Variants in ARHGAP28 observed in about 807,000 individuals in gnomAD.
ARHGAP28 encodes the protein rho GTPase-activating protein 28.
In ARHGAP28, 56 loss-of-function variants were observed where a neutral mutation model predicts 90.7. The ratio of observed to expected loss-of-function variants is 0.62; its 90% confidence interval spans 0.50 to 0.77. ARHGAP28 has a LOEUF of 0.77. Ranked by LOEUF, ARHGAP28 falls within the 30% of genes least tolerant of loss-of-function variation. ARHGAP28 has a pLI of 0.00. For missense variants in ARHGAP28, 869 were observed against 900.9 expected, an observed-to-expected ratio of 0.96 and a Z score of 0.45; for synonymous variants, 308 against 323.3, an observed-to-expected ratio of 0.95 and a Z score of 0.51.
At chr18:6,746,287 C>T (rs1344004652) in intron 1 of ARHGAP28, among the ~76,000 whole-genome samples, 1 of 152,148 alleles carries the variant, frequency 6.6e-6, no homozygotes, top group African/African-American at 2.4e-5. Context: ...GGGGTTGGCA[C>T]AGTTTTTCTG....
chr18:6,729,767 C>T lies in ARHGAP28; in HGVS notation c.-55C>T. The T allele has an allele frequency of 7.6e-7, 1 of 1,318,982 alleles. No individual in the cohort carries two copies. Among genetic ancestry groups the T allele is most frequent in the Non-Finnish European group, 9.6e-7 (1 of 1,036,698 alleles). 81.7% of individuals were successfully genotyped at this position (1,318,982 alleles called of 1,614,324 possible). A position where few individuals can be genotyped will look rare whatever the true frequency, so the allele number is the denominator to read the frequency against. On this transcript the variant is annotated 5_prime_UTR_variant, in exon 1 of 18. Transcript: ENST00000383472. The stretch of plus-strand genomic sequence containing the variant: ...CTGACAGCCTCCCGGCGCGCCGGTC[C>T]ATGCTGGTCCCGGTCTTTGTTCTGG...
intron 3 of ARHGAP28, among the ~76,000 whole-genome samples, chr18:6,839,093 A>C (rs2056776670): frequency 6.6e-6 from 1 of 151,224 alleles, no homozygotes; most frequent in Admixed American, 6.6e-5. Context: ...CTGCAGCAGT[A>C]CCAAGGGATG....
At chr18:6,856,882 T>C (rs999319025) in intron 4 of ARHGAP28, among the ~76,000 whole-genome samples, 3 of 152,230 alleles carry the variant, frequency 2.0e-5, no homozygotes, top group African/African-American at 7.2e-5. Context: ...TATGTCTGGC[T>C]TCTTTAATTT....
chr18:6,765,435 C>T (rs1001770595), intron 1 of ARHGAP28, among the ~76,000 whole-genome samples: 3 of 151,974 alleles, frequency 2.0e-5, no homozygotes, highest in Non-Finnish European at 4.4e-5. Flanking sequence ...TCAAAATATT[C>T]CCTTATTTTC....
chr18:6,864,153 C>A (rs2143438788), intron 5 of ARHGAP28, among the ~76,000 whole-genome samples: 1 of 152,222 alleles, frequency 6.6e-6, no homozygotes, highest in Non-Finnish European at 1.5e-5. Context: ...GAAACCTCTG[C>A]CTCCCGGATT....
intron 1 of ARHGAP28, among the ~76,000 whole-genome samples, chr18:6,748,877 T>G (rs951931556): frequency 1.3e-5 from 2 of 152,236 alleles, no homozygotes. Flanking sequence ...GTGTTTCTAG[T>G]GCCTTCCTTG....
chr18:6,870,925 C>T (rs575352639), intron 7 of ARHGAP28, among the ~76,000 whole-genome samples, 193 bp downstream of exon 7: 4 of 152,106 alleles, frequency 2.6e-5, no homozygotes, highest in African/African-American at 4.8e-5. Flanking sequence ...CTCAGCCTCC[C>T]GAGTAGCTGG....
chr18:6,885,373 C>T (rs1392311618), intron 11 of ARHGAP28, among the ~76,000 whole-genome samples: 2 of 152,038 alleles, frequency 1.3e-5, no homozygotes, highest in Non-Finnish European at 1.5e-5. Flanking sequence ...TGTGAACAAG[C>T]GCGTGTGTGT....
chr18:6,841,231 C>T (rs1442809532), intron 3 of ARHGAP28, among the ~76,000 whole-genome samples: 1 of 124,350 alleles, frequency 8.0e-6, no homozygotes, highest in East Asian at 2.3e-4. Flanking sequence ...CTCCCCCCAA[C>T]CCGCCCCCAC....
chr18:6,870,292 A>G (rs1318143148), intron 6 of ARHGAP28, among the ~76,000 whole-genome samples: 4 of 152,172 alleles, frequency 2.6e-5, no homozygotes, highest in African/African-American at 9.7e-5. Context: ...CCTATTTTGG[A>G]CTTTCTTTTA....
chr18:6,904,249 C>T (rs2057353240), intron 16 of ARHGAP28, among the ~76,000 whole-genome samples: 1 of 152,042 alleles, frequency 6.6e-6, no homozygotes, highest in African/African-American at 2.4e-5. Context: ...TAAAAATTAG[C>T]TGGGCGTGGT....
chr18:6,811,314 A>G (rs1313971087), intron 1 of ARHGAP28, among the ~76,000 whole-genome samples: 1 of 152,192 alleles, frequency 6.6e-6, no homozygotes, highest in Non-Finnish European at 1.5e-5. Context: ...CATTATTAAT[A>G]ACTAATTTGG....
intron 5 of ARHGAP28, among the ~76,000 whole-genome samples, chr18:6,866,747 T>C (rs945235102): frequency 1.3e-5 from 2 of 152,212 alleles, no homozygotes; most frequent in Non-Finnish European, 2.9e-5. Flanking sequence ...ACTCATTCAG[T>C]ACAATTAACT....
chr18:6,795,233 A>G (rs1044771046), intron 1 of ARHGAP28, among the ~76,000 whole-genome samples: 1 of 152,148 alleles, frequency 6.6e-6, no homozygotes, highest in African/African-American at 2.4e-5. Flanking sequence ...GTTTTCATTG[A>G]TTCTCCTATT....
chr18:6,848,665 G>A (rs367760600), intron 3 of ARHGAP28, among the ~76,000 whole-genome samples: 5 of 152,244 alleles, frequency 3.3e-5, no homozygotes, highest in Admixed American at 6.5e-5. Flanking sequence ...CTCATCTTGC[G>A]TTTGTCTCCC....
intron 1 of ARHGAP28, among the ~76,000 whole-genome samples, chr18:6,802,756 T>G (rs2143636221): frequency 6.6e-6 from 1 of 152,322 alleles, no homozygotes; most frequent in Non-Finnish European, 1.5e-5. Context: ...TTGAACAAGT[T>G]ATATCTCTTC....
chr18:6,890,284 T>G (rs1024705407), intron 13 of ARHGAP28, 146 bp from the exon 14 acceptor site: 4 of 771,536 alleles, frequency 5.2e-6, no homozygotes, highest in Non-Finnish European at 8.4e-6. Flanking sequence ...CCACATAATT[T>G]TTTCTAAACT....
intron 1 of ARHGAP28, chr18:6,774,154 T>C (rs12958681): frequency 0.44 from 66,760 of 151,968 alleles, 15,821 homozygotes; most frequent in East Asian, 0.85. Context: ...TGCCTTTGGG[T>C]CATGGGGAGA....
chr18:6,888,910 T>G (rs2057243053), intron 12 of ARHGAP28, among the ~76,000 whole-genome samples: 1 of 152,172 alleles, frequency 6.6e-6, no homozygotes, highest in Non-Finnish European at 1.5e-5. Flanking sequence ...GAAGAATTGG[T>G]TCCCTTCGTT....
Sources: gnomAD v4.1 joint callset for allele counts (sites outside exome capture counted in the v4.1 genomes callset) on GRCh38, gnomAD v4.1.1 for gene constraint, MANE v1.5 for transcripts, NCBI Gene and HGNC (gene_info 2026-07-23, HGNC 2026-07-21) for gene names.